The following ENOX1 variants were observed in gnomAD, a reference collection of about 807,000 sequenced individuals.
ENOX1 encodes the protein ecto-NOX disulfide-thiol exchanger 1, also known as candidate growth-related and time keeping constitutive hydroquinone (NADH) oxidase.
ENOX1 carries 42 observed loss-of-function variants against 82.5 expected under a neutral mutation model. The ratio of observed to expected loss-of-function variants is 0.51; its 90% CI spans 0.40 to 0.66. ENOX1 has a LOEUF of 0.66. Among genes scored for constraint, ENOX1 ranks in the 30% least tolerant of loss-of-function variants. The pLI is 0.00. For missense variants in ENOX1, 608 were observed against 811.6 expected (o/e 0.75, Z 3.05); for synonymous variants, 271 against 282.2 (o/e 0.96, Z 0.40).
intron 2 of ENOX1, among the ~76,000 whole-genome samples, chr13:43,664,934 G>A (rs1296608278): frequency 2.6e-5 from 4 of 152,100 alleles, no homozygotes; most frequent in Admixed American, 6.6e-5. Flanking sequence ...TGCTGTCTAA[G>A]CCAATGCTAT....
intron 2 of ENOX1, among the ~76,000 whole-genome samples, chr13:43,618,128 AATGTATAGACTGTGAAGTCCTTTGTCAG>A (rs1382060837): frequency 2.0e-5 from 3 of 152,014 alleles, no homozygotes; most frequent in African/African-American, 7.2e-5. Flanking sequence ...CATTTGTCAG[AATGTATAGACTGTGAAGTCCTTTGTCAG>A]ATGTATAGAC....
At chr13:43,658,278 T>C (rs1046761031) in intron 2 of ENOX1, among the ~76,000 whole-genome samples, 1 of 152,234 alleles carries the variant, frequency 6.6e-6, no homozygotes, top group Non-Finnish European at 1.5e-5. Context: ...ATGCTTGTCA[T>C]ACTAAAGACA....
Position 43,213,848 on chromosome 13 carries a change from G to T in ENOX1, c.*142C>A. 1.3e-6 allele frequency: 1 copy of T among 787,010 alleles called. No homozygotes were observed. The highest frequency in any genetic ancestry group is 1.9e-6 in the Non-Finnish European group (1 of 523,186). The allele number at this position is 787,010 out of a possible 1,614,324, so 48.8% of individuals were successfully genotyped here. A position where few individuals can be genotyped will look rare whatever the true frequency, so the allele number is the denominator to read the frequency against. On this transcript the variant is annotated 3_prime_UTR_variant, in exon 17 of 17. Coordinates refer to ENST00000690772, the MANE Select transcript of ENOX1 (RefSeq NM_001347969.2). ...ATTACATTTCCACTTACAAGAGAAC[G>T]CCACAGATATAACTAAAGGCAGGCT... is the stretch of plus-strand genomic sequence containing the variant.
At chr13:43,709,151 G>T (rs2087517714) in intron 1 of ENOX1, among the ~76,000 whole-genome samples, 1 of 151,996 alleles carries the variant, frequency 6.6e-6, no homozygotes, top group Non-Finnish European at 1.5e-5. Context: ...GAGAAATGAA[G>T]ATGCAAAAGG....
chr13:43,409,594 GACT>G (rs1264718823), intron 5 of ENOX1, among the ~76,000 whole-genome samples: 3 of 152,182 alleles, frequency 2.0e-5, no homozygotes, highest in Non-Finnish European at 4.4e-5. Flanking sequence ...TGCTCAGGGA[GACT>G]AAGTTCTTTA....
At chr13:43,609,868 C>T in intron 2 of ENOX1, 3 of 952,938 alleles carry the variant, frequency 3.1e-6, no homozygotes, top group Non-Finnish European at 3.7e-6. Flanking sequence ...CATTAATCTA[C>T]TACTAGGGAC....
intron 9 of ENOX1, among the ~76,000 whole-genome samples, chr13:43,338,845 C>T (rs781036609): frequency 7.9e-5 from 12 of 151,924 alleles, no homozygotes; most frequent in Non-Finnish European, 1.5e-4. Flanking sequence ...GCCACTGCCC[C>T]CGGCTAATTT....
chr13:43,385,837 G>A (rs1324233322), intron 5 of ENOX1, among the ~76,000 whole-genome samples: 1 of 152,164 alleles, frequency 6.6e-6, no homozygotes, highest in African/African-American at 2.4e-5. Context: ...ATACCTTTGT[G>A]TATTCAAATT....
chr13:43,296,525 G>A (rs1363005133), intron 12 of ENOX1, among the ~76,000 whole-genome samples: 1 of 152,170 alleles, frequency 6.6e-6, no homozygotes, highest in African/African-American at 2.4e-5. Flanking sequence ...TCAGAACTGT[G>A]AGACAATACA....
intron 2 of ENOX1, among the ~76,000 whole-genome samples, chr13:43,504,686 G>A (rs977701056): frequency 2.0e-5 from 3 of 151,562 alleles, no homozygotes; most frequent in African/African-American, 7.3e-5. Context: ...GGAGGTATTA[G>A]TCAAAGGGTA....
chr13:43,500,784 G>A (rs1341042507), intron 2 of ENOX1, among the ~76,000 whole-genome samples: 3 of 151,718 alleles, frequency 2.0e-5, no homozygotes, highest in Non-Finnish European at 4.4e-5. Context: ...AAATATTAAT[G>A]CACAATATAA....
intron 1 of ENOX1, among the ~76,000 whole-genome samples, chr13:43,784,908 C>G (rs145131605): frequency 3.3e-4 from 50 of 152,332 alleles, no homozygotes; most frequent in African/African-American, 1.1e-3. Context: ...GGCAATCACG[C>G]TTTGAAATGA....
At chr13:43,281,476 A>G (rs1354808858) in intron 12 of ENOX1, among the ~76,000 whole-genome samples, 1 of 152,178 alleles carries the variant, frequency 6.6e-6, no homozygotes, top group Non-Finnish European at 1.5e-5. Flanking sequence ...AACAGCAAAA[A>G]AGGCCTCCAA....
At chr13:43,332,365 G>T (rs766949053) in intron 9 of ENOX1, among the ~76,000 whole-genome samples, 1 of 152,102 alleles carries the variant, frequency 6.6e-6, no homozygotes, top group African/African-American at 2.4e-5. Flanking sequence ...ATCTAATGCC[G>T]CTGCTGATCT....
chr13:43,522,994 A>T (rs2153683843), intron 2 of ENOX1, among the ~76,000 whole-genome samples: 1 of 152,278 alleles, frequency 6.6e-6, no homozygotes, highest in Non-Finnish European at 1.5e-5. Context: ...TAGAATTTGG[A>T]TTTCAACCAC....
chr13:43,783,320 T>C lies in ENOX1; in HGVS notation c.-285+3332A>G, dbSNP rs187664178. Among the ~76,000 whole-genome samples, 287 of 152,338 alleles carry C rather than the reference T, an allele frequency of 1.9e-3. 5 individuals carry two copies. The highest frequency in any genetic ancestry group is 1.9e-3 in the Non-Finnish European group (130 of 68,042). On this transcript the variant is annotated intron_variant, in intron 1 of 16. Coordinates refer to ENST00000690772, the MANE Select transcript of ENOX1 (RefSeq NM_001347969.2). ...TCAATGTTGATTTTTTACTCTCAAA[T>C]GCTAATGTATTTTCTAAGTACAATA...
intron 5 of ENOX1, among the ~76,000 whole-genome samples, chr13:43,384,371 C>T (rs74612774): frequency 5.9e-5 from 9 of 152,190 alleles, no homozygotes; most frequent in Non-Finnish European, 1.2e-4. Flanking sequence ...CATACAAGAC[C>T]AGCCTATTAA....
At chr13:43,398,826 G>T (rs1337974327) in intron 5 of ENOX1, among the ~76,000 whole-genome samples, 2 of 149,578 alleles carry the variant, frequency 1.3e-5, no homozygotes, top group African/African-American at 2.5e-5. Context: ...TTGAGACAGG[G>T]TCTCTGTCAC....
intron 5 of ENOX1, among the ~76,000 whole-genome samples, chr13:43,362,627 C>T (rs556310392): frequency 1.3e-5 from 2 of 152,002 alleles, no homozygotes; most frequent in Non-Finnish European, 2.9e-5. Flanking sequence ...CCTCACTCTT[C>T]GCTTACCTGT....
Sources: allele counts gnomAD v4.1 joint callset (sites outside exome capture counted in the v4.1 genomes callset), GRCh38; gene constraint gnomAD v4.1.1; transcripts MANE v1.5; gene names NCBI Gene and HGNC (gene_info 2026-07-23, HGNC 2026-07-21).